Variants in PPM1L observed in about 807,000 individuals in gnomAD.
PPM1L encodes the protein protein phosphatase 1L.
A neutral mutation model predicts 31.4 loss-of-function variants in PPM1L; 13 were observed. The observed-to-expected ratio is 0.41, with a 90% CI of 0.27 to 0.66. The LOEUF is 0.66. Among genes scored for constraint, PPM1L ranks in the 30% least tolerant of loss-of-function variants. PPM1L has a pLI of 0.29. For missense variants in PPM1L, 326 were observed against 453.7 expected, an observed-to-expected ratio of 0.72 and a Z score of 2.56; for synonymous variants, 184 against 175.4, an observed-to-expected ratio of 1.05 and a Z score of -0.39.
At chr3:160,959,186 G>A (rs1164490158) in intron 1 of PPM1L, among the ~76,000 whole-genome samples, 1 of 151,748 alleles carries the variant, frequency 6.6e-6, no homozygotes, top group Non-Finnish European at 1.5e-5. Flanking sequence ...TCTATGTGAA[G>A]TAACTCAGAA....
chr3:160,955,715 A>G (rs555143280), intron 1 of PPM1L, among the ~76,000 whole-genome samples: 1 of 151,200 alleles, frequency 6.6e-6, no homozygotes, highest in African/African-American at 2.4e-5. Context: ...CAGTGGTGCA[A>G]TTTCGGCTCA....
intron 2 of PPM1L, among the ~76,000 whole-genome samples, chr3:160,991,138 C>G (rs1382074677): frequency 6.6e-6 from 1 of 150,994 alleles, no homozygotes; most frequent in Non-Finnish European, 1.5e-5. Context: ...AGAAAATTTA[C>G]CAATTTGTGT....
chr3:160,799,684 A>ATTCATT (rs1712366897), intron 1 of PPM1L, among the ~76,000 whole-genome samples: 1 of 152,096 alleles, frequency 6.6e-6, no homozygotes, highest in Non-Finnish European at 1.5e-5. Context: ...TACACTTGCT[A>ATTCATT]TTCATTTTGC....
intron 2 of PPM1L, among the ~76,000 whole-genome samples, chr3:160,993,047 G>T (rs1259996521): frequency 2.0e-5 from 3 of 151,340 alleles, no homozygotes; most frequent in Non-Finnish European, 4.4e-5. Flanking sequence ...GTTGATCCAG[G>T]TACGGTGTAC....
At chr3:160,810,466 G>A (rs1276443887) in intron 1 of PPM1L, among the ~76,000 whole-genome samples, 1 of 152,142 alleles carries the variant, frequency 6.6e-6, no homozygotes, top group Non-Finnish European at 1.5e-5. Context: ...CTCAGCAATG[G>A]GAATAACATT....
rs1390372851 is a variant in PPM1L at position 160,990,206 on chromosome 3, T to C, written c.574+28296T>C. Among the ~76,000 whole-genome samples, 6 of 151,764 alleles carry C rather than the reference T, an allele frequency of 4.0e-5. No homozygotes were observed. The East Asian group carries it at 1.2e-3, about 30-fold the overall frequency. On this transcript the variant is annotated intron_variant, in intron 2 of 3. Coordinates refer to ENST00000498165, the MANE Select transcript of PPM1L (RefSeq NM_139245.4). The stretch of plus-strand genomic sequence containing the variant: ...TGTAAAGACAGGAGTCTCATCACAT[T>C]GCCCAGGCTGGTCTCAAACTCCTGG...
chr3:161,059,637 C>CT (rs1431990871), intron 2 of PPM1L, among the ~76,000 whole-genome samples: 3 of 152,112 alleles, frequency 2.0e-5, no homozygotes, highest in Non-Finnish European at 4.4e-5. Flanking sequence ...TCCAAAACTT[C>CT]TGATACGGTT....
At chr3:160,951,012 G>A (rs1431942157) in intron 1 of PPM1L, among the ~76,000 whole-genome samples, 3 of 152,194 alleles carry the variant, frequency 2.0e-5, no homozygotes, top group Non-Finnish European at 4.4e-5. Context: ...AGTTCTCTCT[G>A]TAAACAAATA....
chr3:161,045,631 G>T (rs1056537414), intron 2 of PPM1L, among the ~76,000 whole-genome samples: 4 of 152,134 alleles, frequency 2.6e-5, no homozygotes, highest in African/African-American at 9.7e-5. Flanking sequence ...AGTGTGTAGA[G>T]GGAAATTTAT....
In PPM1L at chr3:160,903,070, T is replaced by C. The variant is rs143150713; in HGVS notation, c.400-58666T>C. Among the ~76,000 whole-genome samples, 10 of 152,136 alleles carry C rather than the reference T, an allele frequency of 6.6e-5. No individual in the cohort carries two copies. The East Asian group carries it at 7.7e-4, about 12-fold the overall frequency. ...GGATAGTAATACACACCTTGTTAGA[T>C]TGTTGTAGAGACAGTGATACGAAAT... On this transcript the variant is annotated intron_variant, in intron 1 of 3. Transcript: ENST00000498165.
At chr3:161,003,114 G>T (rs1474340409) in intron 2 of PPM1L, among the ~76,000 whole-genome samples, 3 of 151,736 alleles carry the variant, frequency 2.0e-5, no homozygotes, top group African/African-American at 7.2e-5. Flanking sequence ...CCCATTGCTT[G>T]TTTTTCTCAG....
intron 1 of PPM1L, among the ~76,000 whole-genome samples, chr3:160,936,006 G>A (rs1714958580): frequency 1.3e-5 from 2 of 152,176 alleles, no homozygotes; most frequent in South Asian, 4.1e-4. Context: ...CCTGGGTCAA[G>A]GGTGTGGAAG....
chr3:161,062,191 T>G (rs1043221870), intron 2 of PPM1L, among the ~76,000 whole-genome samples: 1 of 151,954 alleles, frequency 6.6e-6, no homozygotes, highest in African/African-American at 2.4e-5. Context: ...CTTTTTTGAG[T>G]CCTCGTCCAT....
At chr3:160,903,164 AGTGTGT>A (rs60731351) in intron 1 of PPM1L, among the ~76,000 whole-genome samples, 21 of 106,586 alleles carry the variant, frequency 2.0e-4, no homozygotes, top group East Asian at 9.2e-4. Flanking sequence ...TAGAAGCAAT[AGTGTGT>A]GTGTGTGTGT....
At chr3:161,046,808 C>T (rs903338885) in intron 2 of PPM1L, among the ~76,000 whole-genome samples, 2 of 152,124 alleles carry the variant, frequency 1.3e-5, no homozygotes, top group African/African-American at 4.8e-5. Flanking sequence ...TAAACGTAAT[C>T]CAGCATATAA....
intron 1 of PPM1L, among the ~76,000 whole-genome samples, chr3:160,944,865 A>AACATAT (rs1553748208): frequency 1.2e-4 from 5 of 40,984 alleles, no homozygotes; most frequent in African/African-American, 3.6e-4. Flanking sequence ...TATTATATAT[A>AACATAT]ATGTTATATA....
chr3:160,777,732 A>C (rs894963020), intron 1 of PPM1L, among the ~76,000 whole-genome samples: 1 of 152,210 alleles, frequency 6.6e-6, no homozygotes. Context: ...CATTGTGTGT[A>C]TATACCACAT....
intron 2 of PPM1L, among the ~76,000 whole-genome samples, chr3:161,052,808 G>GTTA (rs1401606256): frequency 2.0e-5 from 3 of 152,130 alleles, no homozygotes; most frequent in Non-Finnish European, 2.9e-5. Flanking sequence ...TAACAAAAAG[G>GTTA]TTAAAGAAAG....
chr3:160,881,584 T>C lies in PPM1L; in HGVS notation c.400-80152T>C, dbSNP rs532637058. On this transcript the variant is annotated intron_variant, in intron 1 of 3. Transcript: ENST00000498165. ...ACTCCAGTTTTCGTTATTTTAGCAC[T>C]AGACTTTTAATGATTTCAGAATTTC... 2.0e-5 allele frequency among the ~76,000 whole-genome samples: 3 copies of C among 152,342 alleles called. No homozygotes were observed. In the South Asian group the frequency reaches 6.2e-4, roughly 32 times the overall value.
Sources: allele counts gnomAD v4.1 joint callset (sites outside exome capture counted in the v4.1 genomes callset), GRCh38; gene constraint gnomAD v4.1.1; transcripts MANE v1.5; gene names NCBI Gene and HGNC (gene_info 2026-07-23, HGNC 2026-07-21).